Variants in ADAMTS2 observed in about 807,000 individuals in gnomAD.
ADAMTS2 encodes ADAM metallopeptidase with thrombospondin type 1 motif 2.
A neutral mutation model predicts 123.0 loss-of-function variants in ADAMTS2; 50 were observed. The ratio of observed to expected loss-of-function variants is 0.41; its 90% CI spans 0.32 to 0.51. The LOEUF is 0.51. Ranked by LOEUF, ADAMTS2 falls within the 20% of genes least tolerant of loss-of-function variation. ADAMTS2 has a pLI of 0.35. For synonymous variants in ADAMTS2, 678 were observed against 695.4 expected, an observed-to-expected ratio of 0.98 and a Z score of 0.39; for missense variants, 1,494 against 1,705.2, an observed-to-expected ratio of 0.88 and a Z score of 2.18.
At chr5:179,147,237 C>T (rs1398075013) in intron 10 of ADAMTS2, among the ~76,000 whole-genome samples, 1 of 152,108 alleles carries the variant, frequency 6.6e-6, no homozygotes, top group Non-Finnish European at 1.5e-5. Flanking sequence ...TATAGGCATG[C>T]GCCACCATGC....
chr5:179,143,186 C>T (rs1456103929), intron 10 of ADAMTS2, among the ~76,000 whole-genome samples: 1 of 152,152 alleles, frequency 6.6e-6, no homozygotes, highest in Non-Finnish European at 1.5e-5. Context: ...GTAGTCCCAG[C>T]ACTTTGGGAG....
intron 2 of ADAMTS2, among the ~76,000 whole-genome samples, chr5:179,333,660 C>A (rs1012870419): frequency 9.4e-5 from 13 of 137,842 alleles, no homozygotes; most frequent in African/African-American, 3.3e-4. Flanking sequence ...AGTGCAGTGG[C>A]GCAATTTCAG....
rs73333219 is a variant in ADAMTS2 at position 179,256,571 on chromosome 5, G to A, written c.688+16340C>T. The stretch of plus-strand genomic sequence containing the variant: ...AGAGAGACGGAGAGAGTTTATGTAC[G>A]TGTAACTACCAACCAGAGTCCAGGA... On this transcript the variant is annotated intron_variant, in intron 3 of 21. Transcript: ENST00000251582. The surrounding 1 kb of genome is among the most constrained non-coding windows in gnomAD (Gnocchi z 4.1). Among the ~76,000 whole-genome samples, 4,844 of 152,242 alleles carry A rather than the reference G, an allele frequency of 0.032. 248 individuals are homozygous for A. The highest frequency in any genetic ancestry group is 0.11 in the African/African-American group (4,518 of 41,510).
chr5:179,116,490 C>G (rs1561763432), intron 21 of ADAMTS2, among the ~76,000 whole-genome samples: 1 of 152,324 alleles, frequency 6.6e-6, no homozygotes, highest in South Asian at 2.1e-4. Context: ...CAGGTAAGGT[C>G]TCTGCAGCAC....
At chr5:179,325,657 C>T (rs960705116) in intron 2 of ADAMTS2, among the ~76,000 whole-genome samples, 7 of 152,386 alleles carry the variant, frequency 4.6e-5, no homozygotes, top group Admixed American at 2.0e-4. Flanking sequence ...CAGAAACCCT[C>T]GGGGAACCTG....
In ADAMTS2 at chr5:179,122,786, A is replaced by G. The variant is rs759056190; in HGVS notation, c.2959-13T>C. 4.1e-5 allele frequency: 64 copies of G among 1,553,924 alleles called. No individual in the cohort carries two copies. The highest frequency in any genetic ancestry group is 5.4e-5 in the Non-Finnish European group (62 of 1,149,088). On this transcript the variant is annotated splice_polypyrimidine_tract_variant and intron_variant, in intron 19 of 21. Coordinates refer to ENST00000251582, the MANE Select transcript of ADAMTS2 (RefSeq NM_014244.5). ...AGGTTACTGAGCACTGCAGGGGGAG[A>G]GTCGCCAGGCAGGGTTCACCTCCCA...
Position 179,162,899 on chromosome 5 carries a change from C to T in ADAMTS2, c.976-4020G>A, listed in dbSNP as rs1581162491. Among the ~76,000 whole-genome samples, 1 of 152,224 alleles carries T rather than the reference C, an allele frequency of 6.6e-6. No homozygotes were observed. Among genetic ancestry groups the T allele is most frequent in the South Asian group, 2.1e-4 (1 of 4,828 alleles). On this transcript the variant is annotated intron_variant, in intron 5 of 21. Transcript: ENST00000251582. This position sits in a 1 kb window ranked among gnomAD's most constrained non-coding sequence, Gnocchi z 5.1. ...GGGACCACAGGGACCCCAGTCAGGA[C>T]ACTCGCTGGCCCATGAAAGATGGCG... is the stretch of plus-strand genomic sequence containing the variant.
At position 179,185,891 on chromosome 5, in the gene ADAMTS2, C is replaced by G. The variant is rs984366668; in HGVS notation, c.892-4736G>C. On this transcript the variant is annotated intron_variant, in intron 4 of 21. Transcript: ENST00000251582. This position sits in a 1 kb window ranked among gnomAD's most constrained non-coding sequence, Gnocchi z 5.9. Reference sequence around the variant, plus strand: ...CTGCTGAGGAGCTAGAGAGGGCATGCCTGCAAATGCTCCCAGCAGGTAGCC... The same window carrying G: ...CTGCTGAGGAGCTAGAGAGGGCATGGCTGCAAATGCTCCCAGCAGGTAGCC... 2.0e-5 allele frequency among the ~76,000 whole-genome samples: 3 copies of G among 151,994 alleles called. No homozygotes were observed. Among genetic ancestry groups the G allele is most frequent in the Non-Finnish European group, 4.4e-5 (3 of 67,984 alleles).
At chr5:179,283,126 A>G (rs956015773) in intron 2 of ADAMTS2, among the ~76,000 whole-genome samples, 2 of 152,264 alleles carry the variant, frequency 1.3e-5, no homozygotes, top group African/African-American at 4.8e-5. Flanking sequence ...ACACCTGGCA[A>G]GTGGGGAAAT....
intron 1 of ADAMTS2, 116 bp from the exon 2 acceptor site, chr5:179,344,277 C>G: frequency 7.3e-7 from 1 of 1,365,678 alleles, no homozygotes; most frequent in Non-Finnish European, 9.9e-7. Context: ...AAGGGGCATT[C>G]CGCCAGGCGA....
intron 3 of ADAMTS2, among the ~76,000 whole-genome samples, chr5:179,210,235 T>C (rs562864391): frequency 4.6e-5 from 7 of 152,308 alleles, no homozygotes; most frequent in African/African-American, 1.7e-4. Flanking sequence ...TATCACAGTA[T>C]GTCCTCCTGG....
chr5:179,315,914 A>G (rs1756977041), intron 2 of ADAMTS2, among the ~76,000 whole-genome samples: 1 of 152,250 alleles, frequency 6.6e-6, no homozygotes, highest in Non-Finnish European at 1.5e-5. Context: ...GGCAAGTCCC[A>G]GAAGAGAGTC....
chr5:179,159,090 TGA>T (rs1225390397), intron 5 of ADAMTS2, among the ~76,000 whole-genome samples: 2 of 152,204 alleles, frequency 1.3e-5, no homozygotes, highest in Admixed American at 6.5e-5. Context: ...CTCACCTGCG[TGA>T]GTTTCCACAC....
At chr5:179,127,935 TC>T in intron 17 of ADAMTS2, 23 bp downstream of exon 17, 1 of 1,612,324 alleles carries the variant, frequency 6.2e-7, no homozygotes. Context: ...GTCACCCAGG[TC>T]CCCAGCTTCG....
chr5:179,158,965 C>A lies in ADAMTS2; in HGVS notation c.976-86G>T. ...CCGAGCAGGCTGTAGTGTTGACAGA[C>A]CCCATCCACTGGGAATCTGTTCCAG... On this transcript the variant is annotated intron_variant, in intron 5 of 21. Coordinates refer to ENST00000251582, the MANE Select transcript of ADAMTS2 (RefSeq NM_014244.5). The surrounding 1 kb of genome is among the most constrained non-coding windows in gnomAD (Gnocchi z 5.0). 1.3e-6 allele frequency: 2 copies of A among 1,512,448 alleles called. No individual in the cohort carries two copies. Among genetic ancestry groups the A allele is most frequent in the South Asian group, 2.4e-5 (2 of 83,258 alleles). 93.7% of individuals were successfully genotyped at this position (1,512,448 alleles called of 1,614,324 possible).
chr5:179,329,091 G>A (rs1402675266), intron 2 of ADAMTS2, among the ~76,000 whole-genome samples: 2 of 152,192 alleles, frequency 1.3e-5, no homozygotes, highest in East Asian at 1.9e-4. Flanking sequence ...ACTTTGGGAG[G>A]CCAAGGAGGG....
intron 12 of ADAMTS2, 54 bp downstream of exon 12, chr5:179,137,715 C>CCCCCCCAGGGG: frequency 1.4e-6 from 2 of 1,450,208 alleles, no homozygotes; most frequent in Non-Finnish European, 1.9e-6. Flanking sequence ...CCCACCCTGC[C>CCCCCCCAGGGG]CACCCTAGGG....
chr5:179,154,566 G>A (rs928520082), intron 7 of ADAMTS2, among the ~76,000 whole-genome samples: 2 of 152,226 alleles, frequency 1.3e-5, no homozygotes, highest in Non-Finnish European at 2.9e-5. Flanking sequence ...ATGGGGCAAG[G>A]TCCCCAGCTC....
Position 179,308,907 on chromosome 5 carries a change from C to A in ADAMTS2, c.534+34860G>T, listed in dbSNP as rs1277289859. On this transcript the variant is annotated intron_variant, in intron 2 of 21. Transcript: ENST00000251582. The surrounding 1 kb of genome is among the most constrained non-coding windows in gnomAD (Gnocchi z 6.6). ...CTGCCTTTAGCATCCCCCTCAGCTG[C>A]CCATTCATTCAGCCATTCTTCTAGG... 6.6e-6 allele frequency among the ~76,000 whole-genome samples: 1 copy of A among 152,228 alleles called. No homozygotes were observed. Among genetic ancestry groups the A allele is most frequent in the African/African-American group, 2.4e-5 (1 of 41,462 alleles).
Sources: allele counts gnomAD v4.1 joint callset (sites outside exome capture counted in the v4.1 genomes callset), GRCh38; gene constraint gnomAD v4.1.1; non-coding constraint Gnocchi (gnomAD v3.1); transcripts MANE v1.5; gene names NCBI Gene and HGNC (gene_info 2026-07-23, HGNC 2026-07-21).